The following MRTFA variants were observed in gnomAD, a reference collection of about 807,000 sequenced individuals.
The protein encoded by MRTFA is myocardin related transcription factor A, also known as myocardin-related transcription factor A.
A neutral mutation model predicts 83.5 loss-of-function variants in MRTFA; 20 were observed. The ratio of observed to expected loss-of-function variants is 0.24; its 90% confidence interval spans 0.17 to 0.35. The LOEUF (loss-of-function observed/expected upper bound fraction) is 0.35. MRTFA is among the 10% of genes least tolerant of loss of function. The probability of loss-of-function intolerance (pLI) is 1.00; values close to 1 mark genes in which losing one functional copy is unlikely to be tolerated. For synonymous variants in MRTFA, 659 were observed against 541.2 expected (o/e 1.22, Z -3.02); for missense variants, 1,200 against 1,224.7 (o/e 0.98, Z 0.30).
rs371546507 is a variant in MRTFA, at chr22:40,411,660, G to A, written c.2826C>T (p.Asp942=). 10 of 1,611,368 alleles carry A rather than the reference G, an allele frequency of 6.2e-6. No homozygotes were observed. The South Asian group carries it at 7.7e-5, about 12-fold the overall frequency. Reference sequence around the variant, plus strand: ...TGCTGCTCAGCATCTGGCTATGGAGGTCGTCAATGAGGGAAAGGGGCTCTG... The same window carrying A: ...TGCTGCTCAGCATCTGGCTATGGAGATCGTCAATGAGGGAAAGGGGCTCTG... Residue 942 remains aspartate, a synonymous_variant, in exon 15 of 15, where the codon GAC becomes GAT. Transcript: ENST00000355630.
intron 2 of MRTFA, among the ~76,000 whole-genome samples, chr22:40,582,168 T>C (rs1393838902): frequency 2.6e-5 from 4 of 152,246 alleles, no homozygotes; most frequent in Non-Finnish European, 2.9e-5. Flanking sequence ...GATCATACAG[T>C]ATGTGGTCCT....
chr22:40,584,999 C>T (rs779453280), intron 2 of MRTFA, among the ~76,000 whole-genome samples: 6 of 152,096 alleles, frequency 3.9e-5, no homozygotes, highest in African/African-American at 1.2e-4. Flanking sequence ...GAGCCAAGAT[C>T]GCACCACTGC....
intron 3 of MRTFA, among the ~76,000 whole-genome samples, chr22:40,474,992 C>T (rs2053968939): frequency 6.6e-6 from 1 of 151,992 alleles, no homozygotes; most frequent in African/African-American, 2.4e-5. Context: ...GTGTGTGCCA[C>T]CACGCCTGAC....
chr22:40,565,619 G>C (rs2055691674), intron 2 of MRTFA, among the ~76,000 whole-genome samples: 1 of 152,210 alleles, frequency 6.6e-6, no homozygotes, highest in Non-Finnish European at 1.5e-5. Context: ...AATGCATAGT[G>C]ATGAGGCACT....
chr22:40,499,990 C>T (rs1408230113), intron 3 of MRTFA, among the ~76,000 whole-genome samples: 1 of 103,850 alleles, frequency 9.6e-6, no homozygotes, highest in Non-Finnish European at 1.9e-5. Flanking sequence ...GGTACGATCT[C>T]GGCTCACCGG....
Position 40,418,496 on chromosome 22 carries a change from T to A in MRTFA, c.2242A>T (p.Ser748Cys). 1 of 1,607,498 alleles carries A rather than the reference T, an allele frequency of 6.2e-7. No homozygotes were observed. Among genetic ancestry groups the A allele is most frequent in the East Asian group, 2.2e-5 (1 of 44,822 alleles). The change falls in exon 12 of 15, where the codon AGC becomes TGC. Residue 748 changes from serine (S) to cysteine (C), a missense_variant. By Grantham distance (112) the Ser-to-Cys change is moderately radical (BLOSUM62 -1). Transcript: ENST00000355630. ...GGAGGTGCAACCCCCTTGATGAGGC[T>A]GGGGCCCTGAGGCCCCAGAAGCAAC... is the stretch of plus-strand genomic sequence containing the variant.
intron 3 of MRTFA, among the ~76,000 whole-genome samples, chr22:40,541,114 G>A (rs547223608): frequency 2.6e-5 from 4 of 152,236 alleles, no homozygotes; most frequent in East Asian, 1.9e-4. Context: ...CAATGAGAAC[G>A]AAAATGCTGA....
intron 3 of MRTFA, chr22:40,523,474 G>C (rs1252920695): frequency 6.6e-6 from 1 of 152,088 alleles, no homozygotes; most frequent in Non-Finnish European, 1.5e-5. Flanking sequence ...TAAGTATCTG[G>C]GACTACAGGT....
intron 1 of MRTFA, among the ~76,000 whole-genome samples, chr22:40,617,068 A>C (rs1478684075): frequency 6.6e-6 from 1 of 151,152 alleles, no homozygotes; most frequent in Non-Finnish European, 1.5e-5. Context: ...GCATCACTGC[A>C]CTCCAGCTTG....
intron 4 of MRTFA, among the ~76,000 whole-genome samples, chr22:40,458,565 G>A (rs895474359): frequency 6.6e-6 from 1 of 152,210 alleles, no homozygotes; most frequent in Admixed American, 6.5e-5. Context: ...CCAGTCCTAC[G>A]TGGTAACTAT....
chr22:40,469,810 G>A (rs2053868765), intron 3 of MRTFA, among the ~76,000 whole-genome samples: 1 of 152,150 alleles, frequency 6.6e-6, no homozygotes, highest in South Asian at 2.1e-4. Context: ...AGGCATGGTG[G>A]CTCACACCTA....
chr22:40,538,577 T>TAA lies in MRTFA; in HGVS notation c.241+13527_241+13528dup, dbSNP rs61145348. ...AAGAATTATCAATAAAAAAATAAAT[T>TAA]AAAAAAAAAATTAAACAAGAAGCAA... is the stretch of plus-strand genomic sequence containing the variant. On this transcript the variant is annotated intron_variant, in intron 3 of 14. Coordinates refer to ENST00000355630, the MANE Select transcript of MRTFA (RefSeq NM_020831.6). 4.1e-3 allele frequency among the ~76,000 whole-genome samples: 623 copies of TAA among 150,460 alleles called. 2 individuals are homozygous for TAA. The highest frequency in any genetic ancestry group is 6.2e-3 in the Non-Finnish European group (422 of 67,636).
At chr22:40,504,586 G>A (rs1428941559) in intron 3 of MRTFA, among the ~76,000 whole-genome samples, 1 of 152,092 alleles carries the variant, frequency 6.6e-6, no homozygotes, top group East Asian at 1.9e-4. Context: ...ACAAGGAACT[G>A]AAAATTATTT....
At chr22:40,545,545 G>A (rs575215175) in intron 3 of MRTFA, among the ~76,000 whole-genome samples, 37 of 150,990 alleles carry the variant, frequency 2.5e-4, no homozygotes, top group Non-Finnish European at 4.0e-4. Context: ...CAATTCTCCC[G>A]CCTCAGCCTC....
intron 3 of MRTFA, among the ~76,000 whole-genome samples, chr22:40,470,140 C>T (rs923323705): frequency 2.0e-4 from 30 of 148,326 alleles, no homozygotes; most frequent in African/African-American, 6.8e-4. Context: ...AGTAGAATTG[C>T]TTGAACCCTG....
intron 4 of MRTFA, among the ~76,000 whole-genome samples, chr22:40,458,289 T>C (rs1474644068): frequency 6.6e-6 from 1 of 152,206 alleles, no homozygotes; most frequent in Admixed American, 6.5e-5. Context: ...GTTTACATGA[T>C]GAGAATAAAG....
chr22:40,600,970 G>A (rs945029261), intron 1 of MRTFA, among the ~76,000 whole-genome samples: 3 of 152,174 alleles, frequency 2.0e-5, no homozygotes, highest in South Asian at 2.1e-4. Context: ...GCAAGACTCC[G>A]TCTCAAAAAA....
intron 4 of MRTFA, among the ~76,000 whole-genome samples, chr22:40,457,778 A>T (rs1226386019): frequency 1.3e-5 from 2 of 152,226 alleles, no homozygotes. Context: ...CATTAGAAAC[A>T]TGGTACTATA....
chr22:40,553,155 GGCAAA>G (rs753132026), intron 2 of MRTFA, among the ~76,000 whole-genome samples: 2 of 152,146 alleles, frequency 1.3e-5, no homozygotes, highest in African/African-American at 2.4e-5. Context: ...ATTTCTAAGC[GGCAAA>G]GCATTCAAGA....
Sources: allele counts gnomAD v4.1 joint callset (sites outside exome capture counted in the v4.1 genomes callset), GRCh38; gene constraint gnomAD v4.1.1; transcripts MANE v1.5; gene names NCBI Gene and HGNC (gene_info 2026-07-23, HGNC 2026-07-21).